Variants in XXYLT1 observed in about 807,000 individuals in gnomAD.
XXYLT1 encodes UDP-xylose:alpha-xyloside alpha-1,3-xylosyltransferase.
XXYLT1 carries 20 observed loss-of-function variants against 28.9 expected under a neutral mutation model. That is an observed-to-expected ratio of 0.69 (90% confidence interval 0.49 to 1.00). The LOEUF (loss-of-function observed/expected upper bound fraction) is 1.00, where lower values mean the gene tolerates loss of function less well. Among genes scored for constraint, XXYLT1 ranks in the 50% least tolerant of loss-of-function variants. The pLI, the probability that XXYLT1 is intolerant of heterozygous loss-of-function variation, is 0.00. For synonymous variants in XXYLT1, 257 were observed against 253.8 expected (o/e 1.01, Z -0.12); for missense variants, 542 against 560.1 (o/e 0.97, Z 0.33).
rs373893573 is a variant in XXYLT1, at chr3:195,226,733, C to T, written c.628G>A (p.Ala210Thr). Residue 210 changes from alanine to threonine, a missense_variant, in exon 2 of 4, where the codon GCC becomes ACC. By Grantham distance (58) the Ala-to-Thr change is moderately conservative. Coordinates refer to ENST00000310380, the MANE Select transcript of XXYLT1 (RefSeq NM_152531.5). ...CCTTTGGGCATGATCTGATGCATGG[C>T]GACCGAGAGGAAGAAGATGGAGTCA... ...YSDSIFFLSV[A>T]MHQIMPKEIL... The T allele has an allele frequency of 1.2e-5, 20 of 1,613,638 alleles. No homozygotes were observed. Among genetic ancestry groups the T allele is most frequent in the South Asian group, 4.4e-5 (4 of 91,034 alleles).
At chr3:195,230,362 T>C (rs1419112116) in intron 1 of XXYLT1, among the ~76,000 whole-genome samples, 1 of 152,192 alleles carries the variant, frequency 6.6e-6, no homozygotes, top group African/African-American at 2.4e-5. Context: ...ATTGTTTCCT[T>C]CACTGTGCAG....
At chr3:195,164,600 G>T (rs1427714128) in intron 2 of XXYLT1, among the ~76,000 whole-genome samples, 1 of 152,258 alleles carries the variant, frequency 6.6e-6, no homozygotes, top group East Asian at 1.9e-4. Context: ...CAGCAATACA[G>T]ACCCTCAGAG....
chr3:195,245,131 T>A (rs73069019), intron 1 of XXYLT1, among the ~76,000 whole-genome samples: 21,382 of 150,470 alleles, frequency 0.14, 3,381 homozygotes, highest in African/African-American at 0.39. Context: ...GCACCATTGC[T>A]CTTCAGCCTT....
intron 1 of XXYLT1, among the ~76,000 whole-genome samples, chr3:195,264,481 C>T (rs1377487028): frequency 6.6e-6 from 1 of 152,234 alleles, no homozygotes; most frequent in African/African-American, 2.4e-5. Context: ...TCCCTGGCCA[C>T]CCGTGCACCA....
chr3:195,088,097 G>T (rs113441202), intron 3 of XXYLT1, among the ~76,000 whole-genome samples: 19 of 151,968 alleles, frequency 1.3e-4, no homozygotes, highest in African/African-American at 3.6e-4. Context: ...AGGTGGCAGC[G>T]AGGCTGGGGG....
At chr3:195,258,979 T>C (rs558516337) in intron 1 of XXYLT1, among the ~76,000 whole-genome samples, 82 of 152,356 alleles carry the variant, frequency 5.4e-4, no homozygotes, top group African/African-American at 1.9e-3. Flanking sequence ...ATGCGCTTTC[T>C]AGAGTGACAA....
intron 2 of XXYLT1, among the ~76,000 whole-genome samples, chr3:195,225,608 C>T (rs1365901171): frequency 2.0e-5 from 3 of 152,184 alleles, no homozygotes; most frequent in Non-Finnish European, 2.9e-5. Context: ...AACACCCCTT[C>T]TCACCATTAA....
chr3:195,169,228 G>A (rs1260523538), intron 2 of XXYLT1, among the ~76,000 whole-genome samples: 1 of 152,260 alleles, frequency 6.6e-6, no homozygotes, highest in African/African-American at 2.4e-5. Context: ...GCTCACGTGG[G>A]CTCTCCCTGA....
rs756396015 is a variant in XXYLT1, at chr3:195,176,789, G to A, written c.653-20208C>T. On this transcript the variant is annotated intron_variant, in intron 2 of 3. Transcript: ENST00000310380. The surrounding 1 kb of genome is among the most constrained non-coding windows in gnomAD (Gnocchi z 4.9). ...AATATGAAAAGCTCAGTAAGAAGACGCAAAAGTCACAGTTCCCATGGTAAC... is the reference window on the plus strand; with the variant it reads ...AATATGAAAAGCTCAGTAAGAAGACACAAAAGTCACAGTTCCCATGGTAAC... Among the ~76,000 whole-genome samples, 4 of 152,324 alleles carry A rather than the reference G, an allele frequency of 2.6e-5. No individual in the cohort carries two copies. The East Asian group carries it at 5.8e-4, about 22-fold the overall frequency.
chr3:195,239,618 C>T (rs1413213531), intron 1 of XXYLT1, among the ~76,000 whole-genome samples: 1 of 152,198 alleles, frequency 6.6e-6, no homozygotes, highest in East Asian at 1.9e-4. Context: ...AATTTGTTTA[C>T]ATACACATAC....
chr3:195,233,196 T>A (rs1407993620), intron 1 of XXYLT1, among the ~76,000 whole-genome samples: 1 of 152,232 alleles, frequency 6.6e-6, no homozygotes, highest in Admixed American at 6.5e-5. Context: ...CTTCTGCTCC[T>A]TTTTGGTTTC....
rs150666051 is a variant in XXYLT1, at chr3:195,173,213, C to T, written c.653-16632G>A. Among the ~76,000 whole-genome samples, 4 of 152,326 alleles carry T rather than the reference C, an allele frequency of 2.6e-5. No individual in the cohort carries two copies. The highest frequency in any genetic ancestry group is 1.9e-4 in the East Asian group (1 of 5,180). ...TCATAGAGCTCTCCCACTAGGGAACCGCATCTCCCCTGCATTTTAGGTCCC... is the reference window on the plus strand; with the variant it reads ...TCATAGAGCTCTCCCACTAGGGAACTGCATCTCCCCTGCATTTTAGGTCCC... On this transcript the variant is annotated intron_variant, in intron 2 of 3. Transcript: ENST00000310380. This position sits in a 1 kb window ranked among gnomAD's most constrained non-coding sequence, Gnocchi z 4.3.
At position 195,078,375 on chromosome 3, in the gene XXYLT1, G is replaced by C. The variant is rs1430547569; in HGVS notation, c.786-8264C>G. On this transcript the variant is annotated intron_variant, in intron 3 of 3. Coordinates refer to ENST00000310380, the MANE Select transcript of XXYLT1 (RefSeq NM_152531.5). The surrounding 1 kb of genome is among the most constrained non-coding windows in gnomAD (Gnocchi z 5.0). ...AGCCGAGAGGCCCGTAGCGAGTCAG[G>C]CCATGGGGGCCTTTTCTGCTGTGGG... 6.6e-6 allele frequency among the ~76,000 whole-genome samples: 1 copy of C among 152,102 alleles called. No homozygotes were observed. The highest frequency in any genetic ancestry group is 6.5e-5 in the Admixed American group (1 of 15,278).
chr3:195,096,703 A>G (rs1163864187), intron 3 of XXYLT1, among the ~76,000 whole-genome samples: 3 of 152,220 alleles, frequency 2.0e-5, no homozygotes, highest in African/African-American at 7.2e-5. Context: ...GTTATTTAAC[A>G]AGCAAGGCTG....
chr3:195,162,652 G>C (rs778346942), intron 2 of XXYLT1, among the ~76,000 whole-genome samples: 1 of 152,210 alleles, frequency 6.6e-6, no homozygotes, highest in Non-Finnish European at 1.5e-5. Flanking sequence ...CACAGTTTTT[G>C]CTTCAGCAAC....
At chr3:195,234,340 CAG>C (rs1724439401) in intron 1 of XXYLT1, among the ~76,000 whole-genome samples, 1 of 94,788 alleles carries the variant, frequency 1.1e-5, no homozygotes, top group East Asian at 3.5e-4. Context: ...TTTTTTGAGA[CAG>C]AGTCTCACTC....
At position 195,150,174 on chromosome 3, in the gene XXYLT1, C is replaced by T. The variant is rs1720116076; in HGVS notation, c.785+6275G>A. On this transcript the variant is annotated intron_variant, in intron 3 of 3. Coordinates refer to ENST00000310380, the MANE Select transcript of XXYLT1 (RefSeq NM_152531.5). The surrounding 1 kb of genome is among the most constrained non-coding windows in gnomAD (Gnocchi z 4.7). ...CCACCACCCAGGAGTGCTGCTCGTGCTAGGCACCATAAATACATTATCTGA... is the reference window on the plus strand; with the variant it reads ...CCACCACCCAGGAGTGCTGCTCGTGTTAGGCACCATAAATACATTATCTGA... Among the ~76,000 whole-genome samples, 1 of 152,136 alleles carries T rather than the reference C, an allele frequency of 6.6e-6. No homozygotes were observed. Among genetic ancestry groups the T allele is most frequent in the Admixed American group, 6.5e-5 (1 of 15,280 alleles).
chr3:195,182,071 C>T (rs772243494), intron 2 of XXYLT1, among the ~76,000 whole-genome samples: 8 of 152,206 alleles, frequency 5.3e-5, no homozygotes, highest in Non-Finnish European at 8.8e-5. Flanking sequence ...TACTCATTCA[C>T]TCATTGATCC....
At chr3:195,080,859 G>A (rs903691287) in intron 3 of XXYLT1, among the ~76,000 whole-genome samples, 2 of 152,236 alleles carry the variant, frequency 1.3e-5, no homozygotes, top group Admixed American at 6.5e-5. Flanking sequence ...CTCCGTGGAC[G>A]TGGCTCACCC....
Sources: gnomAD v4.1 joint callset for allele counts (sites outside exome capture counted in the v4.1 genomes callset) on GRCh38, gnomAD v4.1.1 for gene constraint, Gnocchi (gnomAD v3.1) non-coding constraint, MANE v1.5 for transcripts, NCBI Gene and HGNC (gene_info 2026-07-23, HGNC 2026-07-21) for gene names.